The following ZFAT variants were observed in gnomAD, a reference collection of about 807,000 sequenced individuals.
ZFAT encodes the protein zinc finger and AT-hook domain containing, also known as zinc finger protein ZFAT.
A neutral mutation model predicts 117.7 loss-of-function variants in ZFAT; 64 were observed. The observed-to-expected ratio is 0.54, with a 90% CI of 0.44 to 0.67. The LOEUF (loss-of-function observed/expected upper bound fraction) is 0.67, where lower values mean the gene tolerates loss of function less well. Ranked by LOEUF, ZFAT falls within the 30% of genes least tolerant of loss-of-function variation. The pLI, the probability that ZFAT is intolerant of heterozygous loss-of-function variation, is 0.00. For missense variants in ZFAT, 1,433 were observed against 1,584.5 expected (o/e 0.90, Z 1.62); for synonymous variants, 679 against 615.0 (o/e 1.10, Z -1.54).
At chr8:134,488,537 A>G (rs995189555) in intron 15 of ZFAT, among the ~76,000 whole-genome samples, 1 of 152,196 alleles carries the variant, frequency 6.6e-6, no homozygotes, top group Non-Finnish European at 1.5e-5. Flanking sequence ...TCTGCTTTGG[A>G]GTGTCACATC....
chr8:134,777,296 G>A, the ZFAT span, among the ~76,000 whole-genome samples: 2 of 152,172 alleles, frequency 1.3e-5, 1 homozygote, highest in South Asian at 4.1e-4. Flanking sequence ...TCTCCAAAGA[G>A]GAAAGAGAGA....
chr8:134,478,717 G>A lies in ZFAT; in HGVS notation c.3497C>T (p.Thr1166Ile), dbSNP rs1393557271. The A allele has an allele frequency of 6.4e-7, 1 of 1,559,778 alleles. No homozygotes were observed. The highest frequency in any genetic ancestry group is 8.7e-7 in the Non-Finnish European group (1 of 1,151,878). Residue 1166 changes from threonine to isoleucine, a missense_variant, in exon 16 of 16, where the codon ACC (threonine) becomes ATC (isoleucine). Thr to Ile is a moderately conservative substitution (Grantham distance 89). Transcript: ENST00000377838. The surrounding 1 kb of genome is among the most constrained non-coding windows in gnomAD (Gnocchi z 5.2). Reference sequence around the variant, plus strand: ...GTGGTTGGAGCTGGGCTCCTCCTCGGTGACCTGCGGGAGGAGGGCAAGAGA... The same window carrying A: ...GTGGTTGGAGCTGGGCTCCTCCTCGATGACCTGCGGGAGGAGGGCAAGAGA... ...PGTVTVVKQVTEEEPSSNHTV... is the reference protein window; with the variant it reads ...PGTVTVVKQVIEEEPSSNHTV...
chr8:134,639,291 G>A (rs185412713), intron 2 of ZFAT, among the ~76,000 whole-genome samples: 277 of 152,340 alleles, frequency 1.8e-3, no homozygotes, highest in Middle Eastern at 0.01. Context: ...CCAGAATGAA[G>A]CAAGAGATTT....
chr8:134,735,539 A>G, the ZFAT span, among the ~76,000 whole-genome samples: 1 of 152,224 alleles, frequency 6.6e-6, no homozygotes, highest in Non-Finnish European at 1.5e-5. Flanking sequence ...TTAAAACAGC[A>G]GTTCCAACTG....
intron 10 of ZFAT, among the ~76,000 whole-genome samples, chr8:134,575,466 G>A (rs1825232076): frequency 1.3e-5 from 2 of 152,330 alleles, no homozygotes; most frequent in Middle Eastern, 3.4e-3. Context: ...TGCAGAGACA[G>A]GTTCCCCTCC....
intron 1 of ZFAT, among the ~76,000 whole-genome samples, chr8:134,683,490 G>A (rs1458429761): frequency 6.6e-6 from 1 of 152,192 alleles, no homozygotes; most frequent in Non-Finnish European, 1.5e-5. Flanking sequence ...ACCTGGAAGA[G>A]GTTTGTCAGA....
the ZFAT span, among the ~76,000 whole-genome samples, chr8:134,818,963 T>A: frequency 6.6e-6 from 1 of 152,228 alleles, no homozygotes; most frequent in Non-Finnish European, 1.5e-5. Flanking sequence ...TTTGGGGGTA[T>A]ATGTTTAGTG....
Position 134,602,074 on chromosome 8 carries a change from G to A in ZFAT, c.1645C>T (p.Pro549Ser), listed in dbSNP as rs180691057. 3 of 1,611,358 alleles carry A rather than the reference G, an allele frequency of 1.9e-6. No individual in the cohort carries two copies. The Admixed American group carries it at 5.0e-5, about 27-fold the overall frequency. Residue 549 changes from proline to serine, a missense_variant, in exon 6 of 16, where the codon CCG becomes TCG. Transcript: ENST00000377838. ...GCAGGCATTTCCCCAGGGGCCTCCG[G>A]CTCCTTCCGGCCCTCCTCCAGCTGA... ...DTQLEEGRKE[P>S]EAPGEMPAPA...
At chr8:134,778,916 G>A in the ZFAT span, among the ~76,000 whole-genome samples, 398 of 152,332 alleles carry the variant, frequency 2.6e-3, no homozygotes, top group Middle Eastern at 0.017. Context: ...AACAACGAAG[G>A]TGGGCTTAAC....
At chr8:134,617,738 C>T (rs183181358) in intron 3 of ZFAT, among the ~76,000 whole-genome samples, 27 of 152,334 alleles carry the variant, frequency 1.8e-4, no homozygotes, top group Non-Finnish European at 2.5e-4. Context: ...AGCTGCGCTG[C>T]CCAACCCACC....
rs767616893 is a variant in ZFAT at position 134,602,632 on chromosome 8, ACTT to A, written c.1084_1086del (p.Lys362del). ...TTGATGAGGTTCTTGACGTCAGAGT[ACTT>A]CTTCTTGCAGAAGCGGCAGTGCTGC... On this transcript the variant is annotated inframe_deletion, in exon 6 of 16. Transcript: ENST00000377838. 4 of 1,614,112 alleles carry A rather than the reference ACTT, an allele frequency of 2.5e-6. No homozygotes were observed. Among genetic ancestry groups the A allele is most frequent in the Middle Eastern group, 1.6e-4 (1 of 6,062 alleles).
chr8:134,699,857 G>A (rs1158896706), intron 1 of ZFAT, among the ~76,000 whole-genome samples: 1 of 152,250 alleles, frequency 6.6e-6, no homozygotes, highest in East Asian at 1.9e-4. Context: ...AGAGCTTCAT[G>A]CTGTCGGGAT....
chr8:134,724,044 G>A, the ZFAT span: 1 of 152,518 alleles, frequency 6.6e-6, no homozygotes, highest in South Asian at 2.1e-4. Context: ...AGCTAGACTT[G>A]ATTCACTTCC....
the ZFAT span, among the ~76,000 whole-genome samples, chr8:134,762,550 AG>A: frequency 1.3e-5 from 2 of 152,234 alleles, no homozygotes; most frequent in East Asian, 3.9e-4. Flanking sequence ...GCCTCTTCTC[AG>A]TATTGTTTGC....
At chr8:134,502,284 C>A (rs1283111660) in intron 15 of ZFAT, among the ~76,000 whole-genome samples, 2 of 152,194 alleles carry the variant, frequency 1.3e-5, no homozygotes, top group Non-Finnish European at 2.9e-5. Context: ...AGCGGCTTCT[C>A]CCTACCAGGA....
chr8:134,661,641 C>T (rs1366951074), intron 1 of ZFAT, among the ~76,000 whole-genome samples: 2 of 152,190 alleles, frequency 1.3e-5, no homozygotes, highest in Non-Finnish European at 1.5e-5. Context: ...GGGACTGACA[C>T]CAAAGAGCCT....
intron 3 of ZFAT, 43 bp downstream of exon 3, chr8:134,637,418 C>A (rs774489036): frequency 6.3e-7 from 1 of 1,578,242 alleles, no homozygotes; most frequent in Admixed American, 1.7e-5. Flanking sequence ...AGATACACCT[C>A]TTCATAAGAA....
intron 3 of ZFAT, among the ~76,000 whole-genome samples, chr8:134,611,125 G>C (rs1285534605): frequency 6.6e-6 from 1 of 152,242 alleles, no homozygotes; most frequent in Non-Finnish European, 1.5e-5. Flanking sequence ...CACCGTGCAG[G>C]GGGAGAGGCA....
the ZFAT span, among the ~76,000 whole-genome samples, chr8:134,828,051 T>C: frequency 2.5e-3 from 383 of 152,338 alleles, 3 homozygotes; most frequent in African/African-American, 8.3e-3. Context: ...TTTTTAAAAA[T>C]TGTAATTGTG....
Sources: allele counts gnomAD v4.1 joint callset (sites outside exome capture counted in the v4.1 genomes callset), GRCh38; gene constraint gnomAD v4.1.1; non-coding constraint Gnocchi (gnomAD v3.1); transcripts MANE v1.5; gene names NCBI Gene and HGNC (gene_info 2026-07-23, HGNC 2026-07-21).